Variants in CARF observed in about 807,000 individuals in gnomAD.
The protein encoded by CARF is calcium-responsive transcription factor.
A neutral mutation model predicts 82.0 loss-of-function variants in CARF; 57 were observed. That is an observed-to-expected ratio of 0.70 (90% CI 0.56 to 0.87). The LOEUF (loss-of-function observed/expected upper bound fraction) is 0.87. Among genes scored for constraint, CARF ranks in the 40% least tolerant of loss-of-function variants. CARF has a pLI of 0.00. For synonymous variants in CARF, 268 were observed against 290.1 expected (o/e 0.92, Z 0.77); for missense variants, 771 against 855.8 (o/e 0.90, Z 1.24).
rs5837834 is a variant in CARF, at chr2:202,976,716, C to CTT, written c.1495-539_1495-538dup. Reference sequence around the variant, plus strand: ...TTTCTTACAATCCATAACTCTTTGTCTTTTTTTTTTTTTTTGAGATAGAGT... The same window carrying CTT: ...TTTCTTACAATCCATAACTCTTTGTCTTTTTTTTTTTTTTTTTGAGATAGAGT... On this transcript the variant is annotated intron_variant, in intron 13 of 16. Transcript: ENST00000438828. 5.3e-3 allele frequency among the ~76,000 whole-genome samples: 740 copies of CTT among 139,894 alleles called. 7 individuals are homozygous for CTT. The highest frequency in any genetic ancestry group is 6.1e-3 in the Non-Finnish European group (400 of 65,360). The allele number at this position is 139,894 out of a possible 152,430, so 91.8% of individuals were successfully genotyped here. A position where few individuals can be genotyped will look rare whatever the true frequency, so the allele number is the denominator to read the frequency against.
chr2:202,931,039 G>A (rs142250318), intron 3 of CARF, among the ~76,000 whole-genome samples: 13,076 of 142,324 alleles, frequency 0.092, 719 homozygotes, highest in Non-Finnish European at 0.13. Context: ...CAATGGTGCA[G>A]TCTCGGCTCA....
intron 13 of CARF, among the ~76,000 whole-genome samples, chr2:202,975,610 A>G (rs1347278134): frequency 6.6e-6 from 1 of 151,874 alleles, no homozygotes; most frequent in Non-Finnish European, 1.5e-5. Flanking sequence ...CTGAAAAACA[A>G]CAACAAAAAA....
intron 3 of CARF, among the ~76,000 whole-genome samples, chr2:202,931,057 C>A (rs1692851266): frequency 6.7e-6 from 1 of 150,268 alleles, no homozygotes; most frequent in Non-Finnish European, 1.5e-5. Context: ...TCACCACAAC[C>A]TCCACCCCCT....
intron 12 of CARF, among the ~76,000 whole-genome samples, chr2:202,973,791 A>C (rs1379857452): frequency 6.6e-6 from 1 of 152,252 alleles, no homozygotes; most frequent in Non-Finnish European, 1.5e-5. Context: ...TAAATTCATA[A>C]AAATATCAAA....
At chr2:202,916,709 G>A (rs2105933887) in intron 1 of CARF, among the ~76,000 whole-genome samples, 1 of 152,184 alleles carries the variant, frequency 6.6e-6, no homozygotes, top group East Asian at 1.9e-4. Context: ...AACATGGTTG[G>A]ATGTTAAGAC....
chr2:202,957,190 C>T (rs1348212831), intron 8 of CARF, among the ~76,000 whole-genome samples: 1 of 152,108 alleles, frequency 6.6e-6, no homozygotes, highest in Non-Finnish European at 1.5e-5. Flanking sequence ...ACAGGAATAG[C>T]CTGCCCCCTA....
At chr2:202,935,535 T>G (rs1043532225) in intron 3 of CARF, among the ~76,000 whole-genome samples, 1 of 151,768 alleles carries the variant, frequency 6.6e-6, no homozygotes, top group Non-Finnish European at 1.5e-5. Context: ...AGTGATCTCC[T>G]GCCTCAGCTT....
intron 3 of CARF, chr2:202,938,134 A>G (rs1694250865): frequency 6.6e-6 from 1 of 152,210 alleles, no homozygotes; most frequent in South Asian, 2.1e-4. Context: ...ATTTTTAAAT[A>G]TAATTAAATT....
chr2:202,963,913 C>T (rs2059426771), intron 9 of CARF, among the ~76,000 whole-genome samples: 1 of 152,164 alleles, frequency 6.6e-6, no homozygotes, highest in South Asian at 2.1e-4. Context: ...TGCTGGCTTG[C>T]CCACTGCTCA....
chr2:202,947,116 T>A (rs1267760742), intron 5 of CARF, among the ~76,000 whole-genome samples: 1 of 152,076 alleles, frequency 6.6e-6, no homozygotes, highest in Non-Finnish European at 1.5e-5. Context: ...CCCAGCAATC[T>A]CATTACTTTG....
chr2:202,933,458 G>A (rs932380187), intron 3 of CARF, among the ~76,000 whole-genome samples: 4 of 152,184 alleles, frequency 2.6e-5, no homozygotes, highest in African/African-American at 9.7e-5. Context: ...CTTGGTGCCT[G>A]TGAAGACTGC....
chr2:202,951,648 T>C (rs1268615210), intron 5 of CARF, among the ~76,000 whole-genome samples: 2 of 152,116 alleles, frequency 1.3e-5, no homozygotes, highest in Non-Finnish European at 2.9e-5. Context: ...TTAGTTGATA[T>C]TGCTCTAAAT....
intron 1 of CARF, among the ~76,000 whole-genome samples, chr2:202,915,458 T>A (rs1315554016): frequency 6.6e-6 from 1 of 152,086 alleles, no homozygotes; most frequent in African/African-American, 2.4e-5. Flanking sequence ...CACTCCCAGC[T>A]GATTTTTGTA....
Position 202,982,352 on chromosome 2 carries a change from C to T in CARF, c.1970C>T (p.Thr657Ile), listed in dbSNP as rs751698433. Reference protein sequence around the residue: ...ELVEVGDVEDTGNLEGTVHRI... With the variant: ...ELVEVGDVEDIGNLEGTVHRI... ...GTAGAAGTTGGAGATGTTGAGGATA[C>T]AGGGAATCTGGAAGGAACTGTTCAT... Residue 657 changes from threonine (T) to isoleucine (I), a missense_variant, in exon 16 of 17, where the codon ACA becomes ATA. By Grantham distance (89) the Thr-to-Ile change is moderately conservative. Coordinates refer to ENST00000438828, the MANE Select transcript of CARF (RefSeq NM_024744.17). 2.2e-5 allele frequency: 35 copies of T among 1,613,982 alleles called. No individual in the cohort carries two copies. The Middle Eastern group carries it at 4.9e-4, about 23-fold the overall frequency.
At chr2:202,928,421 G>C (rs1692259433) in intron 3 of CARF, among the ~76,000 whole-genome samples, 2 of 152,152 alleles carry the variant, frequency 1.3e-5, no homozygotes, top group Admixed American at 1.3e-4. Context: ...GTGGAATAAT[G>C]ATGTAATAAA....
intron 10 of CARF, among the ~76,000 whole-genome samples, chr2:202,969,116 C>G (rs187189068): frequency 6.6e-6 from 1 of 152,196 alleles, no homozygotes; most frequent in East Asian, 1.9e-4. Context: ...ATGGTGAAAC[C>G]CCGTCTCTAC....
intron 3 of CARF, among the ~76,000 whole-genome samples, chr2:202,940,831 C>T (rs1164713656): frequency 3.9e-5 from 6 of 152,046 alleles, no homozygotes; most frequent in South Asian, 2.1e-4. Flanking sequence ...GAGGGGAGGG[C>T]GGTCACTGGA....
chr2:202,939,970 A>G (rs1011523351), intron 3 of CARF, among the ~76,000 whole-genome samples: 3 of 152,236 alleles, frequency 2.0e-5, no homozygotes, highest in East Asian at 3.9e-4. Context: ...GATTACAGAC[A>G]TGAACCTCTG....
intron 5 of CARF, among the ~76,000 whole-genome samples, chr2:202,951,419 G>A (rs1559230566): frequency 6.6e-6 from 1 of 152,152 alleles, no homozygotes; most frequent in East Asian, 1.9e-4. Flanking sequence ...AGGAGTCTGG[G>A]AACGTGGGTT....
Sources: gnomAD v4.1 joint callset for allele counts (sites outside exome capture counted in the v4.1 genomes callset) on GRCh38, gnomAD v4.1.1 for gene constraint, MANE v1.5 for transcripts, NCBI Gene and HGNC (gene_info 2026-07-23, HGNC 2026-07-21) for gene names.